Variants in ME3 observed in about 807,000 individuals in gnomAD.
The protein encoded by ME3 is malic enzyme 3, also known as NADP-dependent malic enzyme, mitochondrial.
Under a neutral mutation model 68.9 loss-of-function variants are expected in ME3, and 48 were observed. The observed-to-expected ratio is 0.70, with a 90% CI of 0.55 to 0.89. The LOEUF is 0.89. Among genes scored for constraint, ME3 ranks in the 40% least tolerant of loss-of-function variants. The pLI, the probability that ME3 is intolerant of heterozygous loss-of-function variation, is 0.00. For missense variants in ME3, 675 were observed against 797.4 expected (o/e 0.85, Z 1.85); for synonymous variants, 320 against 318.8 (o/e 1.00, Z -0.04).
intron 4 of ME3, among the ~76,000 whole-genome samples, chr11:86,530,819 C>T (rs1031565897): frequency 2.0e-5 from 3 of 152,136 alleles, no homozygotes; most frequent in African/African-American, 7.2e-5. Context: ...AAACTGGATC[C>T]CTTCCTTACA....
chr11:86,534,729 T>G (rs1335475135), intron 4 of ME3, among the ~76,000 whole-genome samples: 1 of 152,132 alleles, frequency 6.6e-6, no homozygotes, highest in African/African-American at 2.4e-5. Context: ...GCTGCACAAC[T>G]GTGCAAATAT....
intron 2 of ME3, among the ~76,000 whole-genome samples, chr11:86,602,586 G>C (rs10898509): frequency 0.17 from 25,965 of 151,294 alleles, 2,568 homozygotes; most frequent in East Asian, 0.39. Context: ...ACTTTCTTCA[G>C]AGAATTGGAA....
chr11:86,639,034 T>C (rs1944512271), intron 2 of ME3, among the ~76,000 whole-genome samples: 3 of 152,206 alleles, frequency 2.0e-5, no homozygotes, highest in African/African-American at 2.4e-5. Context: ...ACCCCAAAAA[T>C]AGAAGTTTGC....
At chr11:86,649,135 T>C (rs1033276501) in intron 2 of ME3, among the ~76,000 whole-genome samples, 1 of 152,222 alleles carries the variant, frequency 6.6e-6, no homozygotes, top group Non-Finnish European at 1.5e-5. Flanking sequence ...CTTGGCTTCA[T>C]CCCTGGGATG....
intron 2 of ME3, among the ~76,000 whole-genome samples, chr11:86,593,215 A>AAG (rs1959159112): frequency 2.6e-5 from 3 of 116,924 alleles, no homozygotes; most frequent in African/African-American, 6.5e-5. Context: ...ACATAGTAAA[A>AAG]GTTAGCTACT....
intron 4 of ME3, among the ~76,000 whole-genome samples, chr11:86,524,622 C>T (rs1049560364): frequency 6.6e-6 from 1 of 152,188 alleles, no homozygotes; most frequent in Admixed American, 6.5e-5. Flanking sequence ...AAGTGGAAGA[C>T]CCCACCCACT....
chr11:86,543,736 G>A (rs11512934), intron 4 of ME3, among the ~76,000 whole-genome samples: 10,935 of 152,206 alleles, frequency 0.072, 472 homozygotes, highest in Non-Finnish European at 0.1. Flanking sequence ...GTCAGCATTA[G>A]ACAGATCAAT....
At chr11:86,449,900 G>A in exon 10 of ME3, 4 of 1,612,858 alleles carry the variant, frequency 2.5e-6, no homozygotes, top group Non-Finnish European at 2.5e-6. Context: ...TTGACAATGA[G>A]CCCTTTAGAG....
chr11:86,559,547 T>C lies in ME3; in HGVS notation c.317+143A>G, dbSNP rs536666020. On this transcript the variant is annotated intron_variant, in intron 3 of 14. Transcript: ENST00000543262. The stretch of plus-strand genomic sequence containing the variant: ...TCTCTCAGGGAGACCATGAATCCTT[T>C]AGAAGGTAGGGCTGAGTCTGGGATC... 147 of 991,796 alleles carry C rather than the reference T, an allele frequency of 1.5e-4. 1 individual carries two copies. In the East Asian group the frequency reaches 3.6e-3, roughly 24 times the overall value. 61.4% of individuals were successfully genotyped at this position (991,796 alleles called of 1,614,324 possible).
chr11:86,528,341 C>T (rs145887782), intron 4 of ME3, among the ~76,000 whole-genome samples: 145 of 152,220 alleles, frequency 9.5e-4, no homozygotes, highest in Middle Eastern at 3.4e-3. Flanking sequence ...TACAGGAGCA[C>T]CCAGATTCAT....
At chr11:86,588,924 G>A (rs978724655) in intron 2 of ME3, among the ~76,000 whole-genome samples, 1 of 152,172 alleles carries the variant, frequency 6.6e-6, no homozygotes, top group South Asian at 2.1e-4. Context: ...GCAGCTGTGT[G>A]TCCCCAATGC....
intron 4 of ME3, among the ~76,000 whole-genome samples, chr11:86,515,719 T>C (rs553385909): frequency 6.6e-6 from 1 of 152,262 alleles, no homozygotes; most frequent in East Asian, 1.9e-4. Flanking sequence ...TACGGATGAT[T>C]GGGGTAGTCA....
At chr11:86,571,368 A>G (rs1271289187) in intron 2 of ME3, among the ~76,000 whole-genome samples, 1 of 152,230 alleles carries the variant, frequency 6.6e-6, no homozygotes, top group East Asian at 1.9e-4. Flanking sequence ...AGTTCTCTGT[A>G]GGCTCTAGGT....
At chr11:86,657,596 G>C (rs1300318255) in intron 2 of ME3, among the ~76,000 whole-genome samples, 1 of 152,034 alleles carries the variant, frequency 6.6e-6, no homozygotes, top group East Asian at 1.9e-4. Context: ...TTCTGCACGT[G>C]TATCCCAGAA....
rs372872163 is a variant in ME3, at chr11:86,456,282, A to G, written c.920-5884T>C. 2.0e-5 allele frequency among the ~76,000 whole-genome samples: 3 copies of G among 152,330 alleles called. No individual in the cohort carries two copies. The East Asian group carries it at 5.8e-4, about 29-fold the overall frequency. ...GGGGTTGCGCAAAGCATTTGCCACC[A>G]GATGGCGCCAAAGGTATTCCATCAG... On this transcript the variant is annotated intron_variant, in intron 8 of 14. Transcript: ENST00000543262.
At chr11:86,597,934 G>A (rs554312808) in intron 2 of ME3, among the ~76,000 whole-genome samples, 2 of 151,960 alleles carry the variant, frequency 1.3e-5, no homozygotes, top group African/African-American at 2.4e-5. Context: ...TTTTTAACTG[G>A]CAATTGGTTG....
intron 2 of ME3, among the ~76,000 whole-genome samples, chr11:86,627,385 G>A (rs956532755): frequency 3.3e-5 from 5 of 152,062 alleles, no homozygotes; most frequent in East Asian, 1.9e-4. Flanking sequence ...CTGGATTTCC[G>A]ACAAAATTGC....
chr11:86,493,753 T>C (rs2446228), intron 6 of ME3, among the ~76,000 whole-genome samples: 128,147 of 152,200 alleles, frequency 0.84, 54,189 homozygotes, highest in Non-Finnish European at 0.87. Flanking sequence ...GTAAAAGTGA[T>C]GCAGAGTTTC....
chr11:86,531,687 A>T (rs1440278729), intron 4 of ME3, among the ~76,000 whole-genome samples: 1 of 152,188 alleles, frequency 6.6e-6, no homozygotes, highest in African/African-American at 2.4e-5. Context: ...TGATGAGTTC[A>T]TGTCCTTTGT....
Sources: allele counts gnomAD v4.1 joint callset (sites outside exome capture counted in the v4.1 genomes callset), GRCh38; gene constraint gnomAD v4.1.1; transcripts MANE v1.5; gene names NCBI Gene and HGNC (gene_info 2026-07-23, HGNC 2026-07-21).